The following MLPH variants were observed in gnomAD, a reference collection of about 807,000 sequenced individuals.
MLPH encodes the protein exophilin-3.
Under a neutral mutation model 72.1 loss-of-function variants are expected in MLPH, and 51 were observed. The observed-to-expected ratio is 0.71, with a 90% CI of 0.56 to 0.89. MLPH has a LOEUF of 0.89. Ranked by LOEUF, MLPH falls within the 40% of genes least tolerant of loss-of-function variation. The pLI, the probability that MLPH is intolerant of heterozygous loss-of-function variation, is 0.00. For missense variants in MLPH, 743 were observed against 759.9 expected (o/e 0.98, Z 0.26); for synonymous variants, 301 against 310.1 (o/e 0.97, Z 0.31).
chr2:237,499,625 A>C (rs2079605435), intron 2 of MLPH, among the ~76,000 whole-genome samples: 1 of 152,262 alleles, frequency 6.6e-6, no homozygotes, highest in Non-Finnish European at 1.5e-5. Flanking sequence ...CGGATTTAAC[A>C]ATAGGTTGCT....
rs1039096251 is a variant in MLPH, at chr2:237,519,778, T to C, written c.556-132T>C. 3.8e-5 allele frequency: 49 copies of C among 1,286,216 alleles called. No individual in the cohort carries two copies. The South Asian group carries it at 5.5e-4, about 14-fold the overall frequency. 79.7% of individuals were successfully genotyped at this position (1,286,216 alleles called of 1,614,324 possible). ...TCAGGTTTGTTCCTAGTGGAGGGGG[T>C]GGATGTGCTGGGAGAGGAGCCTGCC... On this transcript the variant is annotated intron_variant, in intron 5 of 15. Transcript: ENST00000264605.
intron 2 of MLPH, among the ~76,000 whole-genome samples, chr2:237,504,502 G>A (rs941172256): frequency 5.3e-5 from 8 of 152,222 alleles, no homozygotes; most frequent in Non-Finnish European, 1.2e-4. Flanking sequence ...ACAGGTGTGA[G>A]CCACCGCAAC....
chr2:237,548,172 G>A (rs527897734), intron 13 of MLPH, among the ~76,000 whole-genome samples: 7 of 152,310 alleles, frequency 4.6e-5, no homozygotes, highest in Admixed American at 1.3e-4. Context: ...AAGTGACAGC[G>A]GGGTCTCAGC....
chr2:237,550,334 G>A (rs1344939382), intron 14 of MLPH, among the ~76,000 whole-genome samples: 2 of 152,186 alleles, frequency 1.3e-5, no homozygotes, highest in African/African-American at 4.8e-5. Context: ...TGCATGCCCT[G>A]AGCTCCCAGC....
chr2:237,494,076 C>G (rs573702583), intron 2 of MLPH, among the ~76,000 whole-genome samples: 77 of 152,306 alleles, frequency 5.1e-4, no homozygotes, highest in Non-Finnish European at 2.8e-4. Context: ...ATCTTCTGGG[C>G]CCCCTTATCC....
chr2:237,548,810 C>T (rs757755654), intron 13 of MLPH, among the ~76,000 whole-genome samples: 13 of 152,232 alleles, frequency 8.5e-5, no homozygotes, highest in Non-Finnish European at 1.8e-4. Flanking sequence ...ACCCGGGAGG[C>T]GGAGCTTGCA....
rs969229290 is a variant in MLPH at position 237,525,485 on chromosome 2, G to T, written c.676-116G>T. On this transcript the variant is annotated intron_variant, in intron 6 of 15. Coordinates refer to ENST00000264605, the MANE Select transcript of MLPH (RefSeq NM_024101.7). ...GGGCCAGCGCAGATGGGTGCCTAGT[G>T]CTGGGTCAGTCAAGTGCCTGGAAAG... 61 of 984,574 alleles carry T rather than the reference G, an allele frequency of 6.2e-5. No individual in the cohort carries two copies. The African/African-American group carries it at 8.7e-4, about 14-fold the overall frequency. 61.0% of individuals were successfully genotyped at this position (984,574 alleles called of 1,614,324 possible).
At position 237,549,423 on chromosome 2, in the gene MLPH, C is replaced by T. The variant is rs1432011874; in HGVS notation, c.1675+145C>T. The T allele has an allele frequency of 5.8e-6, 5 of 862,822 alleles. No homozygotes were observed. The East Asian group carries it at 7.3e-5, about 13-fold the overall frequency. The allele number at this position is 862,822 out of a possible 1,614,324, so 53.4% of individuals were successfully genotyped here. A position where few individuals can be genotyped will look rare whatever the true frequency, so the allele number is the denominator to read the frequency against. ...CTCCCAAAAAACATTCCCAGTGCCG[C>T]TCGGGCCACCCTCAGGACCCAGCAA... On this transcript the variant is annotated intron_variant, in intron 14 of 15. Coordinates refer to ENST00000264605, the MANE Select transcript of MLPH (RefSeq NM_024101.7).
intron 4 of MLPH, chr2:237,518,050 A>G (rs576640769): frequency 4.1e-5 from 11 of 266,144 alleles, no homozygotes; most frequent in South Asian, 2.5e-4. Flanking sequence ...GGGTGAGTGG[A>G]TGAGCCACTG....
rs1356389049 is a variant in MLPH at position 237,553,482 on chromosome 2, TTGTA to T, written c.1777-80_1777-77del. The T allele has an allele frequency of 9.0e-5, 114 of 1,262,904 alleles. 1 individual carries two copies. The highest frequency in any genetic ancestry group is 7.2e-4 in the South Asian group (58 of 80,370). The allele number at this position is 1,262,904 out of a possible 1,614,324, so 78.2% of individuals were successfully genotyped here. On this transcript the variant is annotated intron_variant, in intron 15 of 15. Coordinates refer to ENST00000264605, the MANE Select transcript of MLPH (RefSeq NM_024101.7). ...CACATCCATGTACACACCTGTGTATTTGTATGTGCATGCCCATGTGTGTCTGTGT... is the reference window on the plus strand; with the variant it reads ...CACATCCATGTACACACCTGTGTATTTGTGCATGCCCATGTGTGTCTGTGT...
At chr2:237,494,187 G>C (rs77856818) in intron 2 of MLPH, among the ~76,000 whole-genome samples, 8 of 152,192 alleles carry the variant, frequency 5.3e-5, no homozygotes, top group Admixed American at 1.3e-4. Flanking sequence ...CGAAGGGGGG[G>C]GCAGAGAGCA....
intron 2 of MLPH, chr2:237,507,136 G>A (rs188618934): frequency 2.0e-4 from 27 of 135,896 alleles, no homozygotes; most frequent in African/African-American, 6.0e-4. Context: ...GCGTAATCTC[G>A]GCTTACTGCA....
intron 2 of MLPH, among the ~76,000 whole-genome samples, chr2:237,500,211 C>T (rs1471637345): frequency 4.6e-5 from 7 of 152,196 alleles, no homozygotes; most frequent in East Asian, 1.9e-4. Flanking sequence ...TATTCCCTTT[C>T]GCAGGGTCGA....
intron 8 of MLPH, 143 bp downstream of exon 8, chr2:237,527,659 T>C: frequency 9.8e-7 from 1 of 1,018,378 alleles, no homozygotes; most frequent in Non-Finnish European, 1.5e-6. Flanking sequence ...TGGAGATACG[T>C]CATCACAATA....
At chr2:237,518,319 G>T in intron 4 of MLPH, 1 of 635,972 alleles carries the variant, frequency 1.6e-6, no homozygotes, top group Non-Finnish European at 2.9e-6. Flanking sequence ...GGGTGGGTAG[G>T]TGAATAGATG....
Position 237,493,512 on chromosome 2 carries a change from G to T in MLPH, c.86G>T (p.Arg29Leu). ...GTTGTTCAACGAGATTTTGACCTCC[G>T]AAGGAAAGAAGAGGAACGGCTAGAG... is the stretch of plus-strand genomic sequence containing the variant. ...LEVVQRDFDL[R>L]RKEEERLEAL... The change falls in exon 2 of 16, where the codon CGA (arginine) becomes CTA (leucine). Residue 29 changes from arginine (R) to leucine (L), a missense_variant. Coordinates refer to ENST00000264605, the MANE Select transcript of MLPH (RefSeq NM_024101.7). 6.2e-7 allele frequency: 1 copy of T among 1,613,780 alleles called. No homozygotes were observed. Among genetic ancestry groups the T allele is most frequent in the Non-Finnish European group, 8.5e-7 (1 of 1,179,764 alleles).
chr2:237,540,287 C>A, intron 9 of MLPH, 61 bp from the exon 10 acceptor site: 2 of 1,575,490 alleles, frequency 1.3e-6, no homozygotes, highest in Non-Finnish European at 1.7e-6. Context: ...CAGAGCCAGC[C>A]CTGGAGCTCC....
intron 2 of MLPH, among the ~76,000 whole-genome samples, chr2:237,500,576 T>C (rs1370221262): frequency 6.6e-6 from 1 of 152,196 alleles, no homozygotes; most frequent in East Asian, 1.9e-4. Context: ...AGACACATCC[T>C]CTGAACTCTG....
Position 237,510,341 on chromosome 2 carries a change from G to A in MLPH, c.111-233G>A, listed in dbSNP as rs967863762. The A allele has an allele frequency of 2.7e-5, 16 of 597,096 alleles. No homozygotes were observed. The highest frequency in any genetic ancestry group is 9.0e-4 in the Middle Eastern group (2 of 2,212). The allele number at this position is 597,096 out of a possible 1,614,324, so 37.0% of individuals were successfully genotyped here. ...GCAATATCATTTCTATGAAATTAAC[G>A]TGTTTCCATTCCATTCCAGCCACCA... On this transcript the variant is annotated intron_variant, in intron 2 of 15. Transcript: ENST00000264605. The surrounding 1 kb of genome is among the most constrained non-coding windows in gnomAD (Gnocchi z 4.4).
Sources: gnomAD v4.1 joint callset for allele counts (sites outside exome capture counted in the v4.1 genomes callset) on GRCh38, gnomAD v4.1.1 for gene constraint, Gnocchi (gnomAD v3.1) non-coding constraint, MANE v1.5 for transcripts, NCBI Gene and HGNC (gene_info 2026-07-23, HGNC 2026-07-21) for gene names.